The following SIAH3 variants were observed in gnomAD, a reference collection of about 807,000 sequenced individuals.
The protein encoded by SIAH3 is siah E3 ubiquitin protein ligase family member 3.
Under a neutral mutation model 12.6 loss-of-function variants are expected in SIAH3, and 9 were observed. The ratio of observed to expected loss-of-function variants is 0.72; its 90% CI spans 0.43 to 1.25. The LOEUF is 1.25. Among genes scored for constraint, SIAH3 ranks in the 50% most tolerant of loss-of-function variants. The pLI, the probability that SIAH3 is intolerant of heterozygous loss-of-function variation, is 0.00. For synonymous variants in SIAH3, 154 were observed against 151.1 expected (o/e 1.02, Z -0.14); for missense variants, 390 against 365.4 (o/e 1.07, Z -0.55).
intron 1 of SIAH3, among the ~76,000 whole-genome samples, chr13:45,833,656 G>A (rs903306586): frequency 7.2e-5 from 11 of 152,124 alleles, no homozygotes; most frequent in Non-Finnish European, 1.5e-5. Flanking sequence ...CGATCCTCAC[G>A]ATAAACCATT....
chr13:45,784,223 A>G (rs930585389), intron 1 of SIAH3, among the ~76,000 whole-genome samples, 166 bp from the exon 2 acceptor site: 8 of 151,890 alleles, frequency 5.3e-5, no homozygotes, highest in Non-Finnish European at 1.0e-4. Flanking sequence ...AAAACCACAA[A>G]GGACAGAGTG....
rs75845823 is a variant in SIAH3 at position 45,821,480 on chromosome 13, C to T, written c.135+30015G>A. On this transcript the variant is annotated intron_variant, in intron 1 of 1. Transcript: ENST00000400405. ...ACATGAATTTGATTTCTTGTCTCCC[C>T]AGCAAAGCCATTGGTTCTTAAAGGC... is the stretch of plus-strand genomic sequence containing the variant. Among the ~76,000 whole-genome samples the T allele has an allele frequency of 2.5e-3, 384 of 152,324 alleles. 5 individuals carry two copies. Among genetic ancestry groups the T allele is most frequent in the South Asian group, 0.02 (96 of 4,822 alleles).
intron 1 of SIAH3, among the ~76,000 whole-genome samples, chr13:45,819,723 G>T (rs532144196): frequency 2.4e-4 from 37 of 152,278 alleles, no homozygotes; most frequent in Admixed American, 8.5e-4. Flanking sequence ...CTCAGGGGCA[G>T]GGTCTCCAGG....
chr13:45,831,861 A>G (rs562768439), intron 1 of SIAH3, among the ~76,000 whole-genome samples: 1 of 152,372 alleles, frequency 6.6e-6, no homozygotes, highest in East Asian at 1.9e-4. Context: ...TGTCTCATGG[A>G]GGAGTCAGAC....
At chr13:45,826,599 G>T (rs2060505) in intron 1 of SIAH3, among the ~76,000 whole-genome samples, 100,847 of 151,882 alleles carry the variant, frequency 0.66, 34,880 homozygotes, top group East Asian at 0.94. Flanking sequence ...ACCTTATCAC[G>T]TGCCTCCTGT....
intron 1 of SIAH3, among the ~76,000 whole-genome samples, chr13:45,839,795 G>A (rs1950733699): frequency 6.6e-6 from 1 of 151,578 alleles, no homozygotes; most frequent in South Asian, 2.1e-4. Flanking sequence ...TCGCACCACT[G>A]CACTCCAGCC....
intron 1 of SIAH3, among the ~76,000 whole-genome samples, chr13:45,823,964 A>G (rs1950664876): frequency 6.6e-6 from 1 of 152,224 alleles, no homozygotes; most frequent in African/African-American, 2.4e-5. Flanking sequence ...GTACATGTGC[A>G]GGCTTGTTAC....
intron 1 of SIAH3, among the ~76,000 whole-genome samples, chr13:45,843,698 C>T (rs1436444226): frequency 6.6e-6 from 1 of 152,204 alleles, no homozygotes; most frequent in African/African-American, 2.4e-5. Context: ...TCACAATTCT[C>T]TTCAAGGCCA....
chr13:45,806,691 A>G (rs1355039639), intron 1 of SIAH3, among the ~76,000 whole-genome samples: 1 of 152,164 alleles, frequency 6.6e-6, no homozygotes. Flanking sequence ...CATGTAACAA[A>G]CCTGCACATT....
chr13:45,798,078 T>TA (rs1950569265), intron 1 of SIAH3, among the ~76,000 whole-genome samples: 1 of 152,210 alleles, frequency 6.6e-6, no homozygotes, highest in Non-Finnish European at 1.5e-5. Context: ...ATGGGAAGTT[T>TA]ATCTTCTTTC....
At chr13:45,841,339 T>C (rs1303132685) in intron 1 of SIAH3, among the ~76,000 whole-genome samples, 2 of 152,224 alleles carry the variant, frequency 1.3e-5, no homozygotes, top group Non-Finnish European at 2.9e-5. Flanking sequence ...GCCTTCCTAA[T>C]GCCAAGCTAA....
In SIAH3 at chr13:45,851,183, C is replaced by G. The variant is rs987550990; in HGVS notation, c.135+312G>C. On this transcript the variant is annotated intron_variant, in intron 1 of 1. Coordinates refer to ENST00000400405, the MANE Select transcript of SIAH3 (RefSeq NM_198849.3). ...ATAGTAGGGGGAGTGATGGGGACGC[C>G]CCCCTGTTCCCTCCACCACCCTCAC... Among the ~76,000 whole-genome samples, 22 of 152,192 alleles carry G rather than the reference C, an allele frequency of 1.4e-4. No homozygotes were observed. The South Asian group carries it at 4.4e-3, about 30-fold the overall frequency.
intron 1 of SIAH3, among the ~76,000 whole-genome samples, chr13:45,785,573 T>C (rs1950525345): frequency 6.6e-6 from 1 of 152,222 alleles, no homozygotes; most frequent in South Asian, 2.1e-4. Context: ...TACACATGCA[T>C]GCATACACAC....
At chr13:45,836,203 G>A (rs1566097067) in intron 1 of SIAH3, among the ~76,000 whole-genome samples, 2 of 152,202 alleles carry the variant, frequency 1.3e-5, no homozygotes, top group South Asian at 2.1e-4. Context: ...AGAAGGCAGG[G>A]ACTAGGACTT....
Position 45,824,573 on chromosome 13 carries a change from T to C in SIAH3, c.135+26922A>G, listed in dbSNP as rs938435724. On this transcript the variant is annotated intron_variant, in intron 1 of 1. Transcript: ENST00000400405. ...AGACCCAGGTTTCAGCCCTTCCCCT[T>C]GGTTTCAAGCTCCCTAGATGATTCC... 3.3e-5 allele frequency among the ~76,000 whole-genome samples: 5 copies of C among 152,166 alleles called. No individual in the cohort carries two copies. In the East Asian group the frequency reaches 5.8e-4, roughly 18 times the overall value.
In SIAH3 at chr13:45,818,013, G is replaced by A. The variant is rs532864281; in HGVS notation, c.135+33482C>T. ...ATTCACTGATGCCTTCCTACTGCAA[G>A]TTCCTGCAACTCTGTGCCCTAGAGG... On this transcript the variant is annotated intron_variant, in intron 1 of 1. Coordinates refer to ENST00000400405, the MANE Select transcript of SIAH3 (RefSeq NM_198849.3). 2.6e-5 allele frequency among the ~76,000 whole-genome samples: 4 copies of A among 152,260 alleles called. No homozygotes were observed. The East Asian group carries it at 7.7e-4, about 29-fold the overall frequency.
At chr13:45,812,955 G>A (rs1202862739) in intron 1 of SIAH3, among the ~76,000 whole-genome samples, 1 of 152,256 alleles carries the variant, frequency 6.6e-6, no homozygotes, top group Non-Finnish European at 1.5e-5. Context: ...GTCTTCCCAG[G>A]AGAAGGAAGC....
Position 45,784,045 on chromosome 13 carries a change from G to A in SIAH3, c.148C>T (p.Arg50Trp), listed in dbSNP as rs759228439. The A allele has an allele frequency of 1.9e-6, 3 of 1,586,732 alleles. No individual in the cohort carries two copies. The highest frequency in any genetic ancestry group is 2.6e-6 in the Non-Finnish European group (3 of 1,166,720). ...PTHNLKYVSS[R>W]RAVTQSAPEQ... Reference sequence around the variant, plus strand: ...GGAGCGCTCTGAGTGACGGCGCGCCGACTGGACACATACTGTAAGGAAAGA... The same window carrying A: ...GGAGCGCTCTGAGTGACGGCGCGCCAACTGGACACATACTGTAAGGAAAGA... The change falls in exon 2 of 2, where the codon CGG becomes TGG. Residue 50 changes from arginine (R) to tryptophan (W), a missense_variant. Coordinates refer to ENST00000400405, the MANE Select transcript of SIAH3 (RefSeq NM_198849.3).
chr13:45,826,854 G>A (rs1377234726), intron 1 of SIAH3, among the ~76,000 whole-genome samples: 2 of 152,080 alleles, frequency 1.3e-5, no homozygotes, highest in Non-Finnish European at 2.9e-5. Context: ...ACATTCTGGG[G>A]TGACAAACAT....
Sources: gnomAD v4.1 joint callset for allele counts (sites outside exome capture counted in the v4.1 genomes callset) on GRCh38, gnomAD v4.1.1 for gene constraint, MANE v1.5 for transcripts, NCBI Gene and HGNC (gene_info 2026-07-23, HGNC 2026-07-21) for gene names.